LGSN: variants seen among roughly 807,000 people sequenced by gnomAD.
LGSN encodes the protein lengsin, lens protein with glutamine synthetase domain, also known as lengsin.
A neutral mutation model predicts 19.5 loss-of-function variants in LGSN; 21 were observed. That is an observed-to-expected ratio of 1.07 (90% confidence interval 0.76 to 1.55). LGSN has a LOEUF of 1.55. Ranked by LOEUF, LGSN falls within the 40% of genes most tolerant of loss-of-function variation. The pLI is 0.00. For missense variants in LGSN, 673 were observed against 608.5 expected (o/e 1.11, Z -1.12); for synonymous variants, 257 against 215.6 (o/e 1.19, Z -1.68).
At chr6:63,440,210 T>C in the LGSN span, among the ~76,000 whole-genome samples, 1 of 152,158 alleles carries the variant, frequency 6.6e-6, no homozygotes, top group African/African-American at 2.4e-5. Context: ...AGACTGCTGG[T>C]CCCGGATGAA....
At chr6:63,544,554 A>G in the LGSN span, among the ~76,000 whole-genome samples, 1 of 152,156 alleles carries the variant, frequency 6.6e-6, no homozygotes, top group African/African-American at 2.4e-5. Context: ...CCTTTATAGT[A>G]AAATAAAAAC....
chr6:63,315,220 G>A lies in LGSN; in HGVS notation c.30+4694C>T, dbSNP rs1286204636. Among the ~76,000 whole-genome samples, 4 of 152,006 alleles carry A rather than the reference G, an allele frequency of 2.6e-5. No homozygotes were observed. In the East Asian group the frequency reaches 7.7e-4, roughly 29 times the overall value. On this transcript the variant is annotated intron_variant, in intron 1 of 3. Coordinates refer to ENST00000370657, the MANE Select transcript of LGSN (RefSeq NM_016571.3). ...AAGACCTACCATGTTGAAGTATAAG[G>A]CCAGAAAGGACATTTGACTCAGACT...
chr6:63,568,649 T>A, the LGSN span, among the ~76,000 whole-genome samples: 43 of 149,672 alleles, frequency 2.9e-4, no homozygotes, highest in East Asian at 8.5e-3. Context: ...TCACAAACCA[T>A]CATTTTGTTA....
chr6:63,460,438 G>C, the LGSN span, among the ~76,000 whole-genome samples: 244 of 152,108 alleles, frequency 1.6e-3, 1 homozygote, highest in Non-Finnish European at 1.8e-3. Context: ...CACTTGTCTT[G>C]TACTAAATTA....
chr6:63,412,412 AAAG>A, the LGSN span, among the ~76,000 whole-genome samples: 1,574 of 132,648 alleles, frequency 0.012, 23 homozygotes, highest in African/African-American at 0.042. Context: ...AGAAAGAAAG[AAAG>A]AAGAAAGAAA....
the LGSN span, chr6:63,550,561 CA>C: frequency 6.6e-6 from 1 of 152,120 alleles, no homozygotes; most frequent in Non-Finnish European, 1.5e-5. Context: ...GGTTCGGGTG[CA>C]TATGTGATTA....
At chr6:63,346,138 G>A in the LGSN span, among the ~76,000 whole-genome samples, 62 of 151,726 alleles carry the variant, frequency 4.1e-4, no homozygotes, top group African/African-American at 9.4e-4. Context: ...TGAATATTTC[G>A]TTCTAATAAG....
the LGSN span, among the ~76,000 whole-genome samples, chr6:63,513,293 A>G: frequency 8.5e-5 from 13 of 152,334 alleles, no homozygotes; most frequent in South Asian, 1.0e-3. Context: ...GCAGATTGCC[A>G]TGAAATCTCA....
the LGSN span, among the ~76,000 whole-genome samples, chr6:63,559,846 C>CA: frequency 6.6e-6 from 1 of 152,098 alleles, no homozygotes; most frequent in Non-Finnish European, 1.5e-5. Context: ...AGGCTGGTTT[C>CA]GAACTCCTGG....
chr6:63,301,883 G>A (rs1472964275), intron 1 of LGSN, among the ~76,000 whole-genome samples: 1 of 152,082 alleles, frequency 6.6e-6, no homozygotes, highest in African/African-American at 2.4e-5. Context: ...TTAATTATCA[G>A]TTAGGCTAAA....
the LGSN span, among the ~76,000 whole-genome samples, chr6:63,492,322 T>C: frequency 6.6e-6 from 1 of 152,042 alleles, no homozygotes; most frequent in Non-Finnish European, 1.5e-5. Context: ...AGCTGTTATA[T>C]AAGCTTATAC....
the LGSN span, among the ~76,000 whole-genome samples, chr6:63,452,331 C>T: frequency 3.3e-5 from 5 of 152,082 alleles, no homozygotes; most frequent in African/African-American, 1.2e-4. Flanking sequence ...TCACTGCAAC[C>T]TCAAGCTCGT....
chr6:63,507,007 G>A, the LGSN span, among the ~76,000 whole-genome samples: 1 of 152,112 alleles, frequency 6.6e-6, no homozygotes, highest in Non-Finnish European at 1.5e-5. Context: ...GCCAATATGA[G>A]GATGCCTTAC....
At position 63,279,991 on chromosome 6, in the gene LGSN, A is replaced by T; in HGVS notation, c.*30T>A. 6.6e-7 allele frequency: 1 copy of T among 1,514,642 alleles called. No homozygotes were observed. The highest frequency in any genetic ancestry group is 1.4e-5 in the African/African-American group (1 of 71,692). 93.8% of individuals were successfully genotyped at this position (1,514,642 alleles called of 1,614,324 possible). On this transcript the variant is annotated 3_prime_UTR_variant, in exon 4 of 4. Coordinates refer to ENST00000370657, the MANE Select transcript of LGSN (RefSeq NM_016571.3). Reference sequence around the variant, plus strand: ...TAGATTAGCTTTAAGTAACAATTACATGTCTAAAGGAGTAGTTGTGAGCTC... The same window carrying T: ...TAGATTAGCTTTAAGTAACAATTACTTGTCTAAAGGAGTAGTTGTGAGCTC...
chr6:63,481,370 T>G, the LGSN span, among the ~76,000 whole-genome samples: 1 of 142,400 alleles, frequency 7.0e-6, no homozygotes, highest in African/African-American at 2.9e-5. Context: ...TGAGACGGGG[T>G]CTGGCTCTGT....
intron 2 of LGSN, among the ~76,000 whole-genome samples, chr6:63,288,701 A>G (rs1346383801): frequency 6.6e-6 from 1 of 152,228 alleles, no homozygotes; most frequent in Admixed American, 6.5e-5. Flanking sequence ...CAAAGGTGTC[A>G]GCAGGATTGT....
the LGSN span, among the ~76,000 whole-genome samples, chr6:63,474,524 G>T: frequency 6.6e-6 from 1 of 151,418 alleles, no homozygotes; most frequent in Non-Finnish European, 1.5e-5. Flanking sequence ...CAGGAGAATG[G>T]CATGAACCTG....
At chr6:63,384,972 G>T in the LGSN span, among the ~76,000 whole-genome samples, 1 of 152,204 alleles carries the variant, frequency 6.6e-6, no homozygotes, top group East Asian at 1.9e-4. Context: ...GGGACACAGA[G>T]AATGTGGCCA....
chr6:63,370,924 G>A, the LGSN span, among the ~76,000 whole-genome samples: 9 of 152,074 alleles, frequency 5.9e-5, no homozygotes, highest in Non-Finnish European at 1.3e-4. Context: ...ACTTCACACC[G>A]GGCCCTGCAA....
Sources: allele counts gnomAD v4.1 joint callset (sites outside exome capture counted in the v4.1 genomes callset), GRCh38; gene constraint gnomAD v4.1.1; transcripts MANE v1.5; gene names NCBI Gene and HGNC (gene_info 2026-07-23, HGNC 2026-07-21).